KMO: variants seen among roughly 807,000 people sequenced by gnomAD.
The protein encoded by KMO is kynurenine 3-hydroxylase.
In KMO, 24 loss-of-function variants were observed where a neutral mutation model predicts 57.8. That is an observed-to-expected ratio of 0.42 (90% CI 0.30 to 0.58). The LOEUF (loss-of-function observed/expected upper bound fraction) is 0.58. KMO is among the 20% of genes least tolerant of loss of function. The probability of loss-of-function intolerance (pLI) is 0.22; values close to 1 mark genes in which losing one functional copy is unlikely to be tolerated. For synonymous variants in KMO, 210 were observed against 193.6 expected, an observed-to-expected ratio of 1.08 and a Z score of -0.70; for missense variants, 483 against 588.2, an observed-to-expected ratio of 0.82 and a Z score of 1.85.
Position 241,543,494 on chromosome 1 carries a change from T to C in KMO, c.55-5335T>C, listed in dbSNP as rs189696155. On this transcript the variant is annotated intron_variant, in intron 1 of 14. Coordinates refer to ENST00000366559, the MANE Select transcript of KMO (RefSeq NM_003679.5). ...CACTGTGTGAATATGCCATAATGTGTTCGTTCATTCCACTCTGATAGTCAT... is the reference window on the plus strand; with the variant it reads ...CACTGTGTGAATATGCCATAATGTGCTCGTTCATTCCACTCTGATAGTCAT... 1.9e-4 allele frequency among the ~76,000 whole-genome samples: 29 copies of C among 152,270 alleles called. No individual in the cohort carries two copies. The East Asian group carries it at 5.6e-3, about 29-fold the overall frequency.
chr1:241,537,554 G>T (rs1339106376), intron 1 of KMO, among the ~76,000 whole-genome samples: 2 of 152,132 alleles, frequency 1.3e-5, no homozygotes, highest in African/African-American at 4.8e-5. Flanking sequence ...TGCCCAGCAT[G>T]CAGTAAGTCA....
chr1:241,547,630 G>A (rs922111164), intron 1 of KMO, among the ~76,000 whole-genome samples: 2 of 150,136 alleles, frequency 1.3e-5, no homozygotes, highest in Admixed American at 1.3e-4. Flanking sequence ...TTAAGCATAT[G>A]CAAAGTAAAA....
At chr1:241,555,557 AT>A in intron 4 of KMO, 54 bp from the exon 5 acceptor site, 2 of 951,978 alleles carry the variant, frequency 2.1e-6, no homozygotes, top group Non-Finnish European at 3.4e-6. Context: ...ATAACTTAGA[AT>A]TATATTTGTC....
chr1:241,568,171 T>C (rs1432903281), intron 9 of KMO, among the ~76,000 whole-genome samples: 2 of 152,216 alleles, frequency 1.3e-5, no homozygotes, highest in Non-Finnish European at 2.9e-5. Flanking sequence ...TATGGAAACC[T>C]AAAATACACT....
At chr1:241,534,790 A>T (rs1332084905) in intron 1 of KMO, among the ~76,000 whole-genome samples, 3 of 152,218 alleles carry the variant, frequency 2.0e-5, no homozygotes, top group Admixed American at 2.0e-4. Flanking sequence ...CATGAGTCTG[A>T]TCATTATCAT....
At chr1:241,565,557 C>G (rs1662042413) in intron 8 of KMO, among the ~76,000 whole-genome samples, 1 of 45,920 alleles carries the variant, frequency 2.2e-5, no homozygotes, top group Admixed American at 1.9e-4. Flanking sequence ...CTTGCCTCTA[C>G]TAAAAAAAAA....
intron 10 of KMO, among the ~76,000 whole-genome samples, chr1:241,577,893 C>T (rs898495830): frequency 5.3e-5 from 8 of 152,120 alleles, no homozygotes; most frequent in African/African-American, 1.9e-4. Context: ...TGGGAGCCAC[C>T]TCTCCCCTTT....
chr1:241,546,858 A>G (rs960051039), intron 1 of KMO, among the ~76,000 whole-genome samples: 1 of 152,228 alleles, frequency 6.6e-6, no homozygotes, highest in Non-Finnish European at 1.5e-5. Context: ...TCACATCATC[A>G]TGGATGGAGA....
intron 1 of KMO, among the ~76,000 whole-genome samples, chr1:241,537,029 C>T (rs1295810658): frequency 3.3e-5 from 5 of 152,120 alleles, no homozygotes; most frequent in Non-Finnish European, 1.5e-5. Flanking sequence ...GATTTTTCCA[C>T]CTCACCACTT....
intron 5 of KMO, among the ~76,000 whole-genome samples, chr1:241,557,325 C>A (rs1661675751): frequency 1.3e-5 from 2 of 152,170 alleles, no homozygotes; most frequent in African/African-American, 4.8e-5. Flanking sequence ...GATTTATTCC[C>A]AGCAAAGCAT....
intron 1 of KMO, among the ~76,000 whole-genome samples, chr1:241,541,595 A>C (rs1459360960): frequency 6.6e-6 from 1 of 152,170 alleles, no homozygotes; most frequent in Non-Finnish European, 1.5e-5. Context: ...CATAAGAGGG[A>C]AAATCAAGAC....
intron 10 of KMO, among the ~76,000 whole-genome samples, chr1:241,583,094 G>A (rs1433788277): frequency 1.3e-5 from 2 of 152,110 alleles, no homozygotes; most frequent in African/African-American, 4.8e-5. Context: ...GAATTCCTTG[G>A]GTTACTAGGC....
intron 1 of KMO, among the ~76,000 whole-genome samples, chr1:241,535,200 G>A (rs916345950): frequency 3.3e-5 from 5 of 151,876 alleles, no homozygotes; most frequent in Admixed American, 2.0e-4. Flanking sequence ...AATTCAAGAA[G>A]GTTAATGTCT....
chr1:241,577,842 G>C (rs1281624719), intron 10 of KMO, among the ~76,000 whole-genome samples: 1 of 152,138 alleles, frequency 6.6e-6, no homozygotes, highest in Non-Finnish European at 1.5e-5. Context: ...GGTTGGGGGA[G>C]CTCTCAGTGA....
At chr1:241,545,397 C>T (rs2147944723) in intron 1 of KMO, among the ~76,000 whole-genome samples, 1 of 152,280 alleles carries the variant, frequency 6.6e-6, no homozygotes, top group East Asian at 1.9e-4. Context: ...AGTTCTGGTG[C>T]TAGAAGTCCA....
chr1:241,588,965 C>G (rs2273711), intron 12 of KMO, 135 bp downstream of exon 12: 1 of 622,984 alleles, frequency 1.6e-6, no homozygotes, highest in Non-Finnish European at 2.8e-6. Flanking sequence ...AAAACACACA[C>G]ACACATAGCA....
chr1:241,594,633 G>A lies in KMO; in HGVS notation c.*2480G>A. On this transcript the variant is annotated 3_prime_UTR_variant, in exon 15 of 15. Transcript: ENST00000366559. ...ACTTCCAGCTGCTGGTAGGTCTTTA[G>A]CAGGCCTCTGGCACCTCAGCAGTCG... 3.7e-6 allele frequency: 6 copies of A among 1,614,078 alleles called. No homozygotes were observed. The highest frequency in any genetic ancestry group is 5.1e-6 in the Non-Finnish European group (6 of 1,179,974).
At chr1:241,572,787 C>T (rs1662352483) in intron 10 of KMO, among the ~76,000 whole-genome samples, 1 of 152,048 alleles carries the variant, frequency 6.6e-6, no homozygotes, top group Non-Finnish European at 1.5e-5. Context: ...TTGTCACTCA[C>T]TCCCCTCTCG....
Position 241,548,872 on chromosome 1 carries a change from A to G in KMO, c.98A>G (p.Gln33Arg). 6.2e-7 allele frequency: 1 copy of G among 1,607,692 alleles called. No homozygotes were observed. Reference sequence around the variant, plus strand: ...TGCTTTCTTGCAAAGAGGAATTTCCAGATTGATGTATATGAAGCTAGGGAA... The same window carrying G: ...TGCTTTCTTGCAAAGAGGAATTTCCGGATTGATGTATATGAAGCTAGGGAA... ...QACFLAKRNF[Q>R]IDVYEAREDT... Residue 33 changes from glutamine (Q) to arginine (R), a missense_variant, in exon 2 of 15, where the codon CAG becomes CGG. Around this residue, in one of 3 missense-constraint regions of KMO, gnomAD observed 70 missense variants for 78.4 expected, o/e 0.89. Coordinates refer to ENST00000366559, the MANE Select transcript of KMO (RefSeq NM_003679.5).
Sources: gnomAD v4.1 joint callset for allele counts (sites outside exome capture counted in the v4.1 genomes callset) on GRCh38, gnomAD v4.1.1 for gene constraint, gnomAD v4.1.1 regional missense constraint, MANE v1.5 for transcripts, NCBI Gene and HGNC (gene_info 2026-07-23, HGNC 2026-07-21) for gene names.